AGO1: variants seen among roughly 807,000 people sequenced by gnomAD.
The protein encoded by AGO1 is protein argonaute-1.
A neutral mutation model predicts 109.2 loss-of-function variants in AGO1; 11 were observed. The ratio of observed to expected loss-of-function variants is 0.10; its 90% CI spans 0.06 to 0.17. The LOEUF is 0.17. Ranked by LOEUF, AGO1 falls within the 10% of genes least tolerant of loss-of-function variation. The pLI is 1.00. For synonymous variants in AGO1, 422 were observed against 418.6 expected, an observed-to-expected ratio of 1.01 and a Z score of -0.10; for missense variants, 574 against 1,140.3, an observed-to-expected ratio of 0.50 and a Z score of 7.15.
intron 12 of AGO1, among the ~76,000 whole-genome samples, chr1:35,910,725 C>A (rs1266497886): frequency 6.6e-6 from 1 of 152,112 alleles, no homozygotes; most frequent in East Asian, 1.9e-4. Flanking sequence ...TCTATCCATT[C>A]TGTTAATACA....
Position 35,901,816 on chromosome 1 carries a change from A to G in AGO1, c.1141-132A>G, listed in dbSNP as rs1439249130. 1 of 1,382,984 alleles carries G rather than the reference A, an allele frequency of 7.2e-7. No homozygotes were observed. The highest frequency in any genetic ancestry group is 1.4e-5 in the African/African-American group (1 of 69,014). The allele number at this position is 1,382,984 out of a possible 1,614,324, so 85.7% of individuals were successfully genotyped here. ...TATTCCCTCACTTCCCTCATCTTCC[A>G]CTTTCTCTCTCTTTTTAGGACTATT... On this transcript the variant is annotated intron_variant, in intron 9 of 18. Transcript: ENST00000373204. The surrounding 1 kb of genome is among the most constrained non-coding windows in gnomAD (Gnocchi z 4.8).
Position 35,893,010 on chromosome 1 carries a change from A to G in AGO1, c.331-87A>G. The G allele has an allele frequency of 1.9e-5, 26 of 1,340,896 alleles. No homozygotes were observed. Among genetic ancestry groups the G allele is most frequent in the Non-Finnish European group, 2.7e-5 (26 of 978,024 alleles). The allele number at this position is 1,340,896 out of a possible 1,614,324, so 83.1% of individuals were successfully genotyped here. A position where few individuals can be genotyped will look rare whatever the true frequency, so the allele number is the denominator to read the frequency against. ...ATTATGAGCCCCTATCAACTTGAAAAACATGTTCTCAGCAAATCCATGGAG... is the reference window on the plus strand; with the variant it reads ...ATTATGAGCCCCTATCAACTTGAAAGACATGTTCTCAGCAAATCCATGGAG... On this transcript the variant is annotated intron_variant, in intron 3 of 18. Transcript: ENST00000373204. This position sits in a 1 kb window ranked among gnomAD's most constrained non-coding sequence, Gnocchi z 5.6.
At chr1:35,913,145 A>T (rs528419460) in intron 12 of AGO1, among the ~76,000 whole-genome samples, 1 of 151,570 alleles carries the variant, frequency 6.6e-6, no homozygotes, top group East Asian at 2.0e-4. Context: ...TCAGCCTCCC[A>T]AGTAGCTGGG....
chr1:35,899,540 G>A (rs1645378304), intron 8 of AGO1, among the ~76,000 whole-genome samples: 2 of 152,236 alleles, frequency 1.3e-5, no homozygotes, highest in African/African-American at 4.8e-5. Flanking sequence ...TTTTGCTAGT[G>A]TTAATTCTGT....
upstream of AGO1, among the ~76,000 whole-genome samples, chr1:35,880,823 C>T (rs1261483759): frequency 6.6e-6 from 1 of 152,106 alleles, no homozygotes; most frequent in African/African-American, 2.4e-5. Context: ...TTATGCTCAG[C>T]TAATTTTTGT....
At chr1:35,917,091 C>T (rs1220747168) in intron 15 of AGO1, among the ~76,000 whole-genome samples, 2 of 152,184 alleles carry the variant, frequency 1.3e-5, no homozygotes, top group Admixed American at 6.5e-5. Context: ...TAGCTTTTCC[C>T]TTAGCTAGCC....
chr1:35,911,080 A>AG (rs563835225), intron 12 of AGO1, among the ~76,000 whole-genome samples: 14 of 151,890 alleles, frequency 9.2e-5, no homozygotes, highest in African/African-American at 3.4e-4. Context: ...GAAAAAAAAA[A>AG]TAATAATAAT....
Position 35,901,858 on chromosome 1 carries a change from T to C in AGO1, c.1141-90T>C. The C allele has an allele frequency of 6.7e-7, 1 of 1,502,594 alleles. No homozygotes were observed. The highest frequency in any genetic ancestry group is 8.9e-7 in the Non-Finnish European group (1 of 1,121,118). 93.1% of individuals were successfully genotyped at this position (1,502,594 alleles called of 1,614,324 possible). ...AGGACTATTCCGTACCAACCCCAGC[T>C]TCTCCTTAGGGTTCTCTCCTTGATA... On this transcript the variant is annotated intron_variant, in intron 9 of 18. Transcript: ENST00000373204. The surrounding 1 kb of genome is among the most constrained non-coding windows in gnomAD (Gnocchi z 4.8).
intron 1 of AGO1, among the ~76,000 whole-genome samples, chr1:35,877,900 C>A (rs2148704137): frequency 6.6e-6 from 1 of 151,684 alleles, no homozygotes; most frequent in African/African-American, 2.4e-5. Context: ...ACCATATTGG[C>A]CAGGCTGGTC....
At position 35,925,541 on chromosome 1, in the gene AGO1, C is replaced by T. The variant is rs991359427; in HGVS notation, c.*5934C>T. The T allele has an allele frequency of 6.6e-6, 1 of 151,024 alleles. No homozygotes were observed. The highest frequency in any genetic ancestry group is 1.5e-5 in the Non-Finnish European group (1 of 67,848). The allele number at this position is 151,024 out of a possible 1,614,324, so 9.4% of individuals were successfully genotyped here. A position where few individuals can be genotyped will look rare whatever the true frequency, so the allele number is the denominator to read the frequency against. ...TATATTCTCTTCATTTTTGTCATCT[C>T]AGGGTCATGGCATATACCAACAGAT... On this transcript the variant is annotated 3_prime_UTR_variant, in exon 19 of 19. Transcript: ENST00000373204.
rs543859947 is a variant in AGO1, at chr1:35,887,661, T to C, written c.26-766T>C. Among the ~76,000 whole-genome samples the C allele has an allele frequency of 3.0e-5, 4 of 134,658 alleles. No individual in the cohort carries two copies. The East Asian group carries it at 5.9e-4, about 20-fold the overall frequency. 88.3% of individuals were successfully genotyped at this position (134,658 alleles called of 152,430 possible). A position where few individuals can be genotyped will look rare whatever the true frequency, so the allele number is the denominator to read the frequency against. The stretch of plus-strand genomic sequence containing the variant: ...CCGTTAGTTCTTTCTTTATTCAAGC[T>C]TTTTTTTTTATCATTGTCTCCCCAG... On this transcript the variant is annotated intron_variant, in intron 1 of 18. Transcript: ENST00000373204.
chr1:35,892,931 A>G (rs1380049941), intron 3 of AGO1, among the ~76,000 whole-genome samples, 166 bp from the exon 4 acceptor site: 1 of 152,226 alleles, frequency 6.6e-6, no homozygotes, highest in Non-Finnish European at 1.5e-5. Context: ...GAGGAACAGA[A>G]GCACTGAGCC....
chr1:35,891,565 A>T (rs1253681290), intron 2 of AGO1, among the ~76,000 whole-genome samples: 1 of 151,368 alleles, frequency 6.6e-6, no homozygotes, highest in East Asian at 1.9e-4. Context: ...TTTATTTTTT[A>T]TTTTTTATTT....
At chr1:35,918,071 G>A (rs1334720190) in intron 16 of AGO1, among the ~76,000 whole-genome samples, 1 of 152,122 alleles carries the variant, frequency 6.6e-6, no homozygotes, top group Non-Finnish European at 1.5e-5. Context: ...ACCCTGTGAG[G>A]TACGTATTAT....
Position 35,911,494 on chromosome 1 carries a change from A to AT in AGO1, c.1583-2337dup, listed in dbSNP as rs890080442. 6.6e-3 allele frequency among the ~76,000 whole-genome samples: 978 copies of AT among 147,962 alleles called. 14 individuals carry two copies. The highest frequency in any genetic ancestry group is 0.035 in the Admixed American group (518 of 14,848). ...CTGCAGAAGATAGCTCACCTCTGAG[A>AT]TTTTTTTTTTTCTCCCTCTCTGGAA... On this transcript the variant is annotated intron_variant, in intron 12 of 18. Coordinates refer to ENST00000373204, the MANE Select transcript of AGO1 (RefSeq NM_012199.5).
At chr1:35,892,185 C>G (rs1033082524) in intron 2 of AGO1, among the ~76,000 whole-genome samples, 6 of 152,198 alleles carry the variant, frequency 3.9e-5, no homozygotes, top group African/African-American at 1.4e-4. Flanking sequence ...ATACTTAGCC[C>G]TATTCCTGAT....
In AGO1 at chr1:35,910,751, T is replaced by C. The variant is rs186422100; in HGVS notation, c.1583-3091T>C. Among the ~76,000 whole-genome samples the C allele has an allele frequency of 4.2e-4, 64 of 152,328 alleles. 1 individual carries two copies. The East Asian group carries it at 0.01, about 24-fold the overall frequency. The stretch of plus-strand genomic sequence containing the variant: ...TGTTAATACACATATTTGGATTGTT[T>C]CCAGTTTTTGACTGTTGAAAATAAT... On this transcript the variant is annotated intron_variant, in intron 12 of 18. Transcript: ENST00000373204.
Position 35,901,889 on chromosome 1 carries a change from AG to A in AGO1, c.1141-56del. 2 of 1,532,038 alleles carry A rather than the reference AG, an allele frequency of 1.3e-6. No individual in the cohort carries two copies. Among genetic ancestry groups the A allele is most frequent in the Non-Finnish European group, 1.8e-6 (2 of 1,140,714 alleles). The allele number at this position is 1,532,038 out of a possible 1,614,324, so 94.9% of individuals were successfully genotyped here. On this transcript the variant is annotated intron_variant, in intron 9 of 18. Coordinates refer to ENST00000373204, the MANE Select transcript of AGO1 (RefSeq NM_012199.5). The surrounding 1 kb of genome is among the most constrained non-coding windows in gnomAD (Gnocchi z 4.8). The stretch of plus-strand genomic sequence containing the variant: ...TTAGGGTTCTCTCCTTGATACCCAG[AG>A]GGTGAGCAGTATTGCCAAGCTCCTG...
At position 35,893,403 on chromosome 1, in the gene AGO1, A is replaced by G; in HGVS notation, c.512+125A>G. The G allele has an allele frequency of 1.9e-6, 2 of 1,081,084 alleles. No individual in the cohort carries two copies. The highest frequency in any genetic ancestry group is 2.8e-5 in the Admixed American group (1 of 36,238). 67.0% of individuals were successfully genotyped at this position (1,081,084 alleles called of 1,614,324 possible). On this transcript the variant is annotated intron_variant, in intron 4 of 18. Transcript: ENST00000373204. This position sits in a 1 kb window ranked among gnomAD's most constrained non-coding sequence, Gnocchi z 5.6. ...AAAAAAAATTATTTGAAGCCCTACC[A>G]CTTGCCAGGCAAATGTGTATTTATA...
Sources: allele counts gnomAD v4.1 joint callset (sites outside exome capture counted in the v4.1 genomes callset), GRCh38; gene constraint gnomAD v4.1.1; non-coding constraint Gnocchi (gnomAD v3.1); transcripts MANE v1.5; gene names NCBI Gene and HGNC (gene_info 2026-07-23, HGNC 2026-07-21).